PDE1C: variants seen among roughly 807,000 people sequenced by gnomAD.
The protein encoded by PDE1C is dual specificity calcium/calmodulin-dependent 3',5'-cyclic nucleotide phosphodiesterase 1C.
PDE1C carries 62 observed loss-of-function variants against 93.1 expected under a neutral mutation model. The observed-to-expected ratio is 0.67, with a 90% CI of 0.54 to 0.82. PDE1C has a LOEUF of 0.82. Among genes scored for constraint, PDE1C ranks in the 40% least tolerant of loss-of-function variants. The pLI is 0.00. For missense variants in PDE1C, 742 were observed against 884.6 expected (o/e 0.84, Z 2.04); for synonymous variants, 325 against 310.1 (o/e 1.05, Z -0.50).
At chr7:31,849,441 C>G (rs1256276452) in intron 8 of PDE1C, among the ~76,000 whole-genome samples, 2 of 152,148 alleles carry the variant, frequency 1.3e-5, no homozygotes, top group Non-Finnish European at 2.9e-5. Context: ...TTTTCTGTGG[C>G]TGAGACTAAG....
chr7:32,250,400 C>G (rs1443514126), intron 1 of PDE1C, among the ~76,000 whole-genome samples: 1 of 152,152 alleles, frequency 6.6e-6, no homozygotes, highest in Admixed American at 6.5e-5. Flanking sequence ...ATCAGAATCA[C>G]CTGGGGAGGG....
At chr7:31,746,704 A>G (rs920397590), downstream of PDE1C, among the ~76,000 whole-genome samples, 1 of 152,220 alleles carries the variant, frequency 6.6e-6, no homozygotes, top group Non-Finnish European at 1.5e-5. Context: ...TTCCTCTGAG[A>G]CTTCAGGGAA....
chr7:32,396,903 T>C (rs77348035), intron 1 of PDE1C, among the ~76,000 whole-genome samples: 2,296 of 152,282 alleles, frequency 0.015, 48 homozygotes, highest in African/African-American at 0.053. Context: ...TTTTATCAAA[T>C]GACTTAAGGA....
At chr7:32,358,903 G>GTGTGTGTGTGTGTGTC (rs1784082015) in intron 1 of PDE1C, among the ~76,000 whole-genome samples, 1 of 151,750 alleles carries the variant, frequency 6.6e-6, no homozygotes, top group Non-Finnish European at 1.5e-5. Flanking sequence ...GTGTCTGTGT[G>GTGTGTGTGTGTGTGTC]TGTGTGTGTG....
At position 32,298,042 on chromosome 7, in the gene PDE1C, CT is replaced by C. The variant is rs1562660474; in HGVS notation, c.85+608del. 9.2e-4 allele frequency among the ~76,000 whole-genome samples: 65 copies of C among 70,310 alleles called. 3 individuals are homozygous for C. The highest frequency in any genetic ancestry group is 3.5e-3 in the South Asian group (5 of 1,422). The allele number at this position is 70,310 out of a possible 152,430, so 46.1% of individuals were successfully genotyped here. A position where few individuals can be genotyped will look rare whatever the true frequency, so the allele number is the denominator to read the frequency against. On this transcript the variant is annotated intron_variant, in intron 1 of 18. Transcript: ENST00000396193. ...CCTCTCTCTCTCTCTCTCTCTCTCT[CT>C]CTCTCTCTCTCTCTCTCTCTCCCCT...
At chr7:32,223,493 T>C (rs921784660) in intron 1 of PDE1C, among the ~76,000 whole-genome samples, 1 of 152,190 alleles carries the variant, frequency 6.6e-6, no homozygotes, top group Non-Finnish European at 1.5e-5. Context: ...CTCTGCCCCT[T>C]ACAGAGCTCA....
intron 2 of PDE1C, among the ~76,000 whole-genome samples, chr7:32,035,628 T>C (rs1276266327): frequency 6.6e-6 from 1 of 152,184 alleles, no homozygotes; most frequent in African/African-American, 2.4e-5. Flanking sequence ...AAACTAAATT[T>C]CCCAGGGAAT....
intron 5 of PDE1C, among the ~76,000 whole-genome samples, chr7:31,875,679 T>A (rs1294429800): frequency 1.3e-5 from 2 of 150,884 alleles, no homozygotes; most frequent in African/African-American, 4.9e-5. Flanking sequence ...TTCCAAGGTG[T>A]CACTTCCTGA....
At chr7:31,804,916 T>C (rs1473347055) in intron 16 of PDE1C, among the ~76,000 whole-genome samples, 1 of 151,770 alleles carries the variant, frequency 6.6e-6, no homozygotes, top group Non-Finnish European at 1.5e-5. Context: ...AGTGATATGG[T>C]TGGCTGTGTC....
chr7:31,715,682 T>A, the PDE1C span, among the ~76,000 whole-genome samples: 1 of 152,254 alleles, frequency 6.6e-6, no homozygotes, highest in South Asian at 2.1e-4. Flanking sequence ...GATGTAACTT[T>A]CATTCTTCTT....
chr7:32,327,560 A>G (rs540868103), intron 1 of PDE1C, among the ~76,000 whole-genome samples: 13 of 152,270 alleles, frequency 8.5e-5, no homozygotes, highest in African/African-American at 3.1e-4. Context: ...CGAGATCAGG[A>G]GATCAAGACC....
chr7:31,657,807 T>G, the PDE1C span, among the ~76,000 whole-genome samples: 1 of 152,252 alleles, frequency 6.6e-6, no homozygotes, highest in Non-Finnish European at 1.5e-5. Context: ...GCAAAACTTC[T>G]CATTATGAGA....
At chr7:32,128,601 C>A (rs966045824) in intron 3 of PDE1C, among the ~76,000 whole-genome samples, 1 of 151,650 alleles carries the variant, frequency 6.6e-6, no homozygotes, top group African/African-American at 2.4e-5. Context: ...CATTTCTCAA[C>A]CATCAAGTTA....
intron 2 of PDE1C, among the ~76,000 whole-genome samples, chr7:31,926,684 G>A (rs1803428957): frequency 6.6e-6 from 1 of 152,174 alleles, no homozygotes; most frequent in East Asian, 1.9e-4. Flanking sequence ...GAAAGTGCAA[G>A]GAGTCAGGGA....
intron 1 of PDE1C, among the ~76,000 whole-genome samples, chr7:32,327,805 GTGGCTTCTTTTGTGTC>G (rs142796939): frequency 0.53 from 79,104 of 149,644 alleles, 23,374 homozygotes; most frequent in Admixed American, 0.68. Context: ...ATCATGTAGT[GTGGCTTCTTTTGTGTC>G]TGGCTTCTTT....
chr7:32,155,009 C>A (rs1472115301), intron 3 of PDE1C, among the ~76,000 whole-genome samples: 2 of 152,220 alleles, frequency 1.3e-5, no homozygotes, highest in East Asian at 3.8e-4. Context: ...CAGTGAGAGT[C>A]CACACCAGGC....
chr7:32,237,726 C>G (rs1294705117), intron 1 of PDE1C, among the ~76,000 whole-genome samples: 2 of 136,670 alleles, frequency 1.5e-5, no homozygotes, highest in African/African-American at 5.5e-5. Context: ...TAGCCACTAT[C>G]CGCACTTGGC....
upstream of PDE1C, among the ~76,000 whole-genome samples, chr7:32,300,008 C>A (rs1229495113): frequency 2.6e-5 from 4 of 152,142 alleles, no homozygotes; most frequent in East Asian, 7.7e-4. Flanking sequence ...TAAGAATCAA[C>A]CAGGTATATT....
At chr7:32,421,277 CCT>C (rs1453919515) in intron 1 of PDE1C, among the ~76,000 whole-genome samples, 1 of 152,170 alleles carries the variant, frequency 6.6e-6, no homozygotes, top group African/African-American at 2.4e-5. Context: ...CGGCCTTCAG[CCT>C]CTCTCTCATC....
Sources: allele counts gnomAD v4.1 joint callset (sites outside exome capture counted in the v4.1 genomes callset), GRCh38; gene constraint gnomAD v4.1.1; transcripts MANE v1.5; gene names NCBI Gene and HGNC (gene_info 2026-07-23, HGNC 2026-07-21).